Variants in JAK1 observed in about 807,000 individuals in gnomAD.
The protein encoded by JAK1 is Janus kinase 1, also known as tyrosine-protein kinase JAK1.
JAK1 carries 16 observed loss-of-function variants against 136.6 expected under a neutral mutation model. That is an observed-to-expected ratio of 0.12 (90% CI 0.08 to 0.18). JAK1 has a LOEUF of 0.18. Among genes scored for constraint, JAK1 ranks in the 10% least tolerant of loss-of-function variants. The pLI is 1.00. For missense variants in JAK1, 859 were observed against 1,450.1 expected, an observed-to-expected ratio of 0.59 and a Z score of 6.62; for synonymous variants, 492 against 519.5, an observed-to-expected ratio of 0.95 and a Z score of 0.72.
intron 6 of JAK1, 42 bp downstream of exon 6, chr1:64,869,269 A>G: frequency 2.5e-6 from 4 of 1,587,986 alleles, no homozygotes; most frequent in Middle Eastern, 1.7e-4. Flanking sequence ...TAGAAACACC[A>G]CCATCCTCAC....
intron 1 of JAK1, among the ~76,000 whole-genome samples, chr1:64,964,561 T>C (rs1451728609): frequency 3.9e-5 from 6 of 152,224 alleles, no homozygotes; most frequent in Admixed American, 2.0e-4. Flanking sequence ...TCTACAATCA[T>C]TTCCCAATGG....
chr1:65,006,828 A>G (rs1397653700), intron 2 of JAK1, among the ~76,000 whole-genome samples: 3 of 152,234 alleles, frequency 2.0e-5, no homozygotes, highest in East Asian at 1.9e-4. Flanking sequence ...TCATCCAGAC[A>G]TTATTAAATA....
chr1:64,887,572 A>C (rs541762898), intron 1 of JAK1, among the ~76,000 whole-genome samples: 14 of 152,362 alleles, frequency 9.2e-5, no homozygotes, highest in African/African-American at 3.4e-4. Context: ...GTCCCTGCCT[A>C]CGTGGAGCTT....
chr1:64,904,119 GAC>G (rs1489977227), intron 1 of JAK1, among the ~76,000 whole-genome samples: 3 of 152,280 alleles, frequency 2.0e-5, no homozygotes, highest in African/African-American at 7.2e-5. Flanking sequence ...GAACAAAAAA[GAC>G]AAGGTTCTTT....
chr1:65,012,857 G>C (rs1386268814), intron 2 of JAK1, among the ~76,000 whole-genome samples: 1 of 151,538 alleles, frequency 6.6e-6, no homozygotes, highest in Non-Finnish European at 1.5e-5. Context: ...ACTTGGGGAG[G>C]CCAAGGCAGG....
At chr1:64,978,168 C>T (rs540507593) in intron 2 of JAK1, among the ~76,000 whole-genome samples, 1 of 152,170 alleles carries the variant, frequency 6.6e-6, no homozygotes, top group Admixed American at 6.5e-5. Context: ...GTCCCAGCTA[C>T]TCAAGAGGCT....
At chr1:65,041,732 A>T (rs1234700619) in intron 2 of JAK1, among the ~76,000 whole-genome samples, 1 of 152,034 alleles carries the variant, frequency 6.6e-6, no homozygotes, top group Non-Finnish European at 1.5e-5. Flanking sequence ...TGAAGATTCA[A>T]CCAGCCATGG....
chr1:64,870,025 C>G (rs990932734), intron 5 of JAK1, among the ~76,000 whole-genome samples: 1 of 152,154 alleles, frequency 6.6e-6, no homozygotes, highest in Non-Finnish European at 1.5e-5. Context: ...TATACCCCCC[C>G]ACTGATGGAG....
At chr1:64,908,953 T>C (rs564932541) in intron 1 of JAK1, among the ~76,000 whole-genome samples, 1 of 152,234 alleles carries the variant, frequency 6.6e-6, no homozygotes, top group African/African-American at 2.4e-5. Context: ...ACTGGCAATA[T>C]AACAGACACA....
chr1:65,043,437 C>A (rs1367549940), intron 2 of JAK1, among the ~76,000 whole-genome samples: 2 of 152,200 alleles, frequency 1.3e-5, no homozygotes, highest in African/African-American at 4.8e-5. Flanking sequence ...AAAACCTATA[C>A]CACAATTTGG....
In JAK1 at chr1:65,047,446, C is replaced by T. The variant is rs552739532; in HGVS notation, c.-180-2864G>A. Reference sequence around the variant, plus strand: ...CTAAAAAGTCATACAAGGCTGGGCGCGATGGCTCACGCCTGTAATCCCAGC... The same window carrying T: ...CTAAAAAGTCATACAAGGCTGGGCGTGATGGCTCACGCCTGTAATCCCAGC... On this transcript the variant is annotated intron_variant, in intron 1 of 25. Transcript: ENST00000671954. Among the ~76,000 whole-genome samples, 4 of 152,238 alleles carry T rather than the reference C, an allele frequency of 2.6e-5. 1 individual carries two copies. In the East Asian group the frequency reaches 5.8e-4, roughly 22 times the overall value.
rs1311393656 is a variant in JAK1 at position 64,857,752 on chromosome 1, C to T, written c.1362G>A (p.Arg454=). Residue 454 remains arginine, a synonymous_variant, in exon 10 of 25, where the codon CGG becomes CGA. Coordinates refer to ENST00000342505, the MANE Select transcript of JAK1 (RefSeq NM_002227.4). ...ACATCCCCTCCTCGCTTCCTTCTTG[C>T]CGCAATTTATTGATGGCGTATTCTG... The part of the protein sequence containing the change: ...ICTEYAINKL[R]QEGSEEGMYV... 1 of 1,614,162 alleles carries T rather than the reference C, an allele frequency of 6.2e-7. No homozygotes were observed. The highest frequency in any genetic ancestry group is 8.5e-7 in the Non-Finnish European group (1 of 1,180,028).
intron 1 of JAK1, among the ~76,000 whole-genome samples, chr1:64,889,131 A>G (rs1210926481): frequency 6.6e-6 from 1 of 152,252 alleles, no homozygotes; most frequent in Non-Finnish European, 1.5e-5. Flanking sequence ...GATTATTTTT[A>G]GAGCAAGTAG....
intron 2 of JAK1, among the ~76,000 whole-genome samples, chr1:65,026,222 A>G (rs1260645064): frequency 6.6e-6 from 1 of 152,160 alleles, no homozygotes; most frequent in Non-Finnish European, 1.5e-5. Context: ...AAATCTTTTG[A>G]ACCATTACCT....
At chr1:64,911,567 G>A (rs753384691) in intron 1 of JAK1, among the ~76,000 whole-genome samples, 39 of 152,316 alleles carry the variant, frequency 2.6e-4, no homozygotes, top group Non-Finnish European at 4.6e-4. Context: ...GTTTTGCAAA[G>A]AGAAGTATCT....
upstream of JAK1, chr1:64,966,651 G>T (rs1220829187): frequency 2.1e-5 from 3 of 145,530 alleles, no homozygotes; most frequent in Admixed American, 2.0e-4. Flanking sequence ...CCCGGAAAGC[G>T]GGGCGGGGTC....
At chr1:64,858,970 G>A (rs1439710353) in intron 9 of JAK1, among the ~76,000 whole-genome samples, 1 of 152,246 alleles carries the variant, frequency 6.6e-6, no homozygotes, top group Admixed American at 6.5e-5. Flanking sequence ...CAAGGGAAGA[G>A]CGAGTGCCTG....
intron 2 of JAK1, among the ~76,000 whole-genome samples, chr1:65,032,500 T>C (rs2100816899): frequency 6.6e-6 from 1 of 151,970 alleles, no homozygotes; most frequent in African/African-American, 2.4e-5. Flanking sequence ...ACACAATATA[T>C]GCAAAACAAC....
chr1:64,871,751 T>C lies in JAK1; in HGVS notation c.483+1619A>G, dbSNP rs565556071. On this transcript the variant is annotated intron_variant, in intron 5 of 24. Coordinates refer to ENST00000342505, the MANE Select transcript of JAK1 (RefSeq NM_002227.4). ...TGAACAGCAGATCTACTCATTTTGCTCCACTGCCACTGTTGCTACACTAGG... is the reference window on the plus strand; with the variant it reads ...TGAACAGCAGATCTACTCATTTTGCCCCACTGCCACTGTTGCTACACTAGG... Among the ~76,000 whole-genome samples, 14 of 152,298 alleles carry C rather than the reference T, an allele frequency of 9.2e-5. No individual in the cohort carries two copies. The South Asian group carries it at 2.7e-3, about 29-fold the overall frequency.
Sources: gnomAD v4.1 joint callset for allele counts (sites outside exome capture counted in the v4.1 genomes callset) on GRCh38, gnomAD v4.1.1 for gene constraint, MANE v1.5 for transcripts, NCBI Gene and HGNC (gene_info 2026-07-23, HGNC 2026-07-21) for gene names.